HEPHL1: variants seen among roughly 807,000 people sequenced by gnomAD.
The protein encoded by HEPHL1 is hephaestin like 1.
A neutral mutation model predicts 122.0 loss-of-function variants in HEPHL1; 123 were observed. That is an observed-to-expected ratio of 1.01 (90% confidence interval 0.87 to 1.17). The LOEUF is 1.17. Ranked by LOEUF, HEPHL1 falls within the 50% of genes most tolerant of loss-of-function variation. HEPHL1 has a pLI of 0.00. For synonymous variants in HEPHL1, 527 were observed against 508.9 expected (o/e 1.04, Z -0.48); for missense variants, 1,452 against 1,430.5 (o/e 1.01, Z -0.24).
chr11:94,048,971 A>C (rs1341095120), intron 2 of HEPHL1, among the ~76,000 whole-genome samples: 1 of 151,996 alleles, frequency 6.6e-6, no homozygotes, highest in Non-Finnish European at 1.5e-5. Context: ...AATACAAAAA[A>C]TTAGCCAGGA....
At position 94,073,368 on chromosome 11, in the gene HEPHL1, A is replaced by G. The variant is rs570447213; in HGVS notation, c.1433A>G (p.Asp478Gly). ...TLLVTFANKA[D>G]KVYSILPHGV... The stretch of plus-strand genomic sequence containing the variant: ...TTAGTGACCTTTGCCAACAAAGCCG[A>G]CAAGGTCTATAGCATTTTACCCCAT... Residue 478 changes from aspartate (D) to glycine (G), a missense_variant, in exon 8 of 20, where the codon GAC (aspartate) becomes GGC (glycine). Coordinates refer to ENST00000315765, the MANE Select transcript of HEPHL1 (RefSeq NM_001098672.2). 1 of 1,590,082 alleles carries G rather than the reference A, an allele frequency of 6.3e-7. No homozygotes were observed. The highest frequency in any genetic ancestry group is 1.3e-5 in the African/African-American group (1 of 74,754).
chr11:94,047,814 T>A (rs1945853836), intron 2 of HEPHL1, among the ~76,000 whole-genome samples: 1 of 152,174 alleles, frequency 6.6e-6, no homozygotes, highest in Non-Finnish European at 1.5e-5. Flanking sequence ...TTTAGGCCAG[T>A]GATTCTAAAG....
chr11:94,057,774 A>T (rs1425508598), intron 2 of HEPHL1, among the ~76,000 whole-genome samples: 1 of 152,152 alleles, frequency 6.6e-6, no homozygotes, highest in Non-Finnish European at 1.5e-5. Context: ...GGACATATAG[A>T]GAGATAGTTT....
intron 2 of HEPHL1, chr11:94,056,089 G>C (rs1945933775): frequency 3.2e-6 from 1 of 314,610 alleles, no homozygotes; most frequent in African/African-American, 2.2e-5. Flanking sequence ...CATTTATAAT[G>C]TTATATTTTC....
At chr11:94,058,749 A>G (rs1945961166) in intron 2 of HEPHL1, among the ~76,000 whole-genome samples, 1 of 152,102 alleles carries the variant, frequency 6.6e-6, no homozygotes, top group Non-Finnish European at 1.5e-5. Flanking sequence ...TTATTTCTAT[A>G]GAGATGGGGT....
At chr11:94,074,205 C>T (rs1946101650) in intron 8 of HEPHL1, among the ~76,000 whole-genome samples, 1 of 152,092 alleles carries the variant, frequency 6.6e-6, no homozygotes, top group South Asian at 2.1e-4. Context: ...AGAATTCCCT[C>T]TCCCTGGACC....
In HEPHL1 at chr11:94,067,502, A is replaced by G. The variant is rs748784585; in HGVS notation, c.815A>G (p.Asn272Ser). Residue 272 changes from asparagine (N) to serine (S), a missense_variant, in exon 5 of 20, where the codon AAT (asparagine) becomes AGT (serine). Asn to Ser is a conservative substitution (Grantham distance 46). Coordinates refer to ENST00000315765, the MANE Select transcript of HEPHL1 (RefSeq NM_001098672.2). Reference sequence around the variant, plus strand: ...AGCGTGTTTCTGTTTCCAGCCCTCAATGGATACCTCTTCGGAAACTTCCCG... The same window carrying G: ...AGCGTGTTTCTGTTTCCAGCCCTCAGTGGATACCTCTTCGGAAACTTCCCG... The part of the protein sequence containing the change: ...FQRSNKMHAL[N>S]GYLFGNFPEP... The G allele has an allele frequency of 1.4e-5, 23 of 1,613,112 alleles. No individual in the cohort carries two copies. The highest frequency in any genetic ancestry group is 3.3e-5 in the Admixed American group (2 of 59,956).
chr11:94,045,698 G>A lies in HEPHL1; in HGVS notation c.196G>A (p.Gly66Arg). 1 of 1,609,860 alleles carries A rather than the reference G, an allele frequency of 6.2e-7. No individual in the cohort carries two copies. Among genetic ancestry groups the A allele is most frequent in the Non-Finnish European group, 8.5e-7 (1 of 1,178,048 alleles). The change falls in exon 2 of 20, where the codon GGG becomes AGG. Residue 66 changes from glycine to arginine, a missense_variant. By Grantham distance (125) the Gly-to-Arg change is moderately radical. Transcript: ENST00000315765. ...DKLATLFLER[G>R]PNRIGSIYKK... ...ACTTGCAACCTTATTTCTCGAAAGA[G>A]GGCCCAACAGGATAGGCAGTATTTA...
In HEPHL1 at chr11:94,104,492, A is replaced by C. The variant is rs367655650; in HGVS notation, c.2683-36A>C. ...GGAATGAAATATTATTAAATTACTTAATGGCTCTTTTAACTCAGTTTATTT... is the reference window on the plus strand; with the variant it reads ...GGAATGAAATATTATTAAATTACTTCATGGCTCTTTTAACTCAGTTTATTT... On this transcript the variant is annotated intron_variant, in intron 15 of 19. Coordinates refer to ENST00000315765, the MANE Select transcript of HEPHL1 (RefSeq NM_001098672.2). 3.6e-6 allele frequency: 5 copies of C among 1,394,792 alleles called. No homozygotes were observed. In the African/African-American group the frequency reaches 7.1e-5, roughly 20 times the overall value. 86.4% of individuals were successfully genotyped at this position (1,394,792 alleles called of 1,614,324 possible). A position where few individuals can be genotyped will look rare whatever the true frequency, so the allele number is the denominator to read the frequency against.
chr11:94,036,527 T>A (rs573738734), intron 1 of HEPHL1, among the ~76,000 whole-genome samples: 1 of 152,244 alleles, frequency 6.6e-6, no homozygotes, highest in East Asian at 1.9e-4. Context: ...AGAACAGAGC[T>A]TCTAGAGTCT....
chr11:94,080,468 G>A (rs1946161428), intron 9 of HEPHL1, among the ~76,000 whole-genome samples: 1 of 152,208 alleles, frequency 6.6e-6, no homozygotes, highest in African/African-American at 2.4e-5. Flanking sequence ...AAACTAAAGA[G>A]CTTCTGCACA....
At chr11:94,109,235 C>A (rs1946430595) in intron 17 of HEPHL1, among the ~76,000 whole-genome samples, 1 of 152,138 alleles carries the variant, frequency 6.6e-6, no homozygotes, top group South Asian at 2.1e-4. Flanking sequence ...GCTAAACTCA[C>A]TTTAGTTCCA....
chr11:94,046,161 A>G (rs1308792233), intron 2 of HEPHL1, among the ~76,000 whole-genome samples: 2 of 120,336 alleles, frequency 1.7e-5, no homozygotes, highest in African/African-American at 6.4e-5. Context: ...GTGGCATGAT[A>G]TCAGCTCACT....
chr11:94,072,772 G>T (rs986704040), intron 6 of HEPHL1, among the ~76,000 whole-genome samples: 1 of 152,096 alleles, frequency 6.6e-6, no homozygotes, highest in Admixed American at 6.6e-5. Flanking sequence ...GAGTTTACTT[G>T]TGACTGGTTC....
Position 94,106,459 on chromosome 11 carries a change from AT to A in HEPHL1, c.3045+337del, listed in dbSNP as rs368515324. ...AGGTGTGTCCCACCACGCCTGGCTA[AT>A]TTTTTTTGTATTTTTTAGTAGAGAC... On this transcript the variant is annotated intron_variant, in intron 17 of 19. Transcript: ENST00000315765. Among the ~76,000 whole-genome samples the A allele has an allele frequency of 2.0e-3, 303 of 150,862 alleles. 3 individuals carry two copies. The highest frequency in any genetic ancestry group is 6.8e-3 in the African/African-American group (281 of 41,134).
rs755028382 is a variant in HEPHL1, at chr11:94,110,962, T to C, written c.3105T>C (p.Ile1035=). 7 of 1,613,036 alleles carry C rather than the reference T, an allele frequency of 4.3e-6. No individual in the cohort carries two copies. The highest frequency in any genetic ancestry group is 5.1e-6 in the Non-Finnish European group (6 of 1,179,526). Reference sequence around the variant, plus strand: ...TCTTTCCTGGGACATTCCAAACCATTGAACTGTTTGCAGATCACCCAGGGA... The same window carrying C: ...TCTTTCCTGGGACATTCCAAACCATCGAACTGTTTGCAGATCACCCAGGGA... The part of the protein sequence containing the change: ...YDLFPGTFQT[I]ELFADHPGTW... Residue 1035 remains isoleucine (I), a synonymous_variant, in exon 18 of 20, where the codon ATT becomes ATC. Transcript: ENST00000315765.
At chr11:94,055,876 C>G (rs1452089160) in intron 2 of HEPHL1, 2 of 656,402 alleles carry the variant, frequency 3.0e-6, no homozygotes, top group East Asian at 6.5e-5. Flanking sequence ...GCTCTGTGCT[C>G]AGCATCCACA....
chr11:94,111,728 A>AT lies in HEPHL1; in HGVS notation c.3314_3315insT (p.Lys1105AsnfsTer67). On this transcript the variant is annotated frameshift_variant, in exon 20 of 20. Coordinates refer to ENST00000315765, the MANE Select transcript of HEPHL1 (RefSeq NM_001098672.2). LOFTEE classifies it high-confidence loss of function. ...AAAGAGCAGCTCTATTTCTTTGGCAAGAATCTGGGTCCAACAGGAGCCAAG... is the reference window on the plus strand; with the variant it reads ...AAAGAGCAGCTCTATTTCTTTGGCAATGAATCTGGGTCCAACAGGAGCCAAG... 1 of 1,607,794 alleles carries AT rather than the reference A, an allele frequency of 6.2e-7. No homozygotes were observed. The highest frequency in any genetic ancestry group is 1.7e-5 in the Admixed American group (1 of 59,312).
intron 14 of HEPHL1, 61 bp from the exon 15 acceptor site, chr11:94,102,853 C>T (rs1946378311): frequency 1.2e-6 from 1 of 832,314 alleles, no homozygotes; most frequent in South Asian, 1.5e-5. Context: ...TATATTTCTT[C>T]AGATAAATCA....
Sources: gnomAD v4.1 joint callset for allele counts (sites outside exome capture counted in the v4.1 genomes callset) on GRCh38, gnomAD v4.1.1 for gene constraint, MANE v1.5 for transcripts, NCBI Gene and HGNC (gene_info 2026-07-23, HGNC 2026-07-21) for gene names.